TMEM132D: variants seen among roughly 807,000 people sequenced by gnomAD.
TMEM132D encodes the protein transmembrane protein 132D.
In TMEM132D, 21 loss-of-function variants were observed where a neutral mutation model predicts 62.3. The ratio of observed to expected loss-of-function variants is 0.34; its 90% CI spans 0.24 to 0.49. TMEM132D has a LOEUF of 0.49. TMEM132D is among the 20% of genes least tolerant of loss of function. TMEM132D has a pLI of 0.99. For synonymous variants in TMEM132D, 621 were observed against 575.6 expected, an observed-to-expected ratio of 1.08 and a Z score of -1.13; for missense variants, 1,346 against 1,402.8, an observed-to-expected ratio of 0.96 and a Z score of 0.65.
intron 2 of TMEM132D, among the ~76,000 whole-genome samples, chr12:129,631,412 T>C (rs1565929563): frequency 6.6e-6 from 1 of 152,186 alleles, no homozygotes; most frequent in Non-Finnish European, 1.5e-5. Context: ...GAAAGGATCC[T>C]GGGTTACTCA....
intron 3 of TMEM132D, among the ~76,000 whole-genome samples, chr12:129,479,249 G>A (rs1039833868): frequency 1.2e-4 from 18 of 152,138 alleles, no homozygotes; most frequent in Non-Finnish European, 2.1e-4. Context: ...TTTCATTAAG[G>A]GGAGTAGAAT....
intron 2 of TMEM132D, among the ~76,000 whole-genome samples, chr12:129,616,176 C>T (rs1471075177): frequency 6.6e-6 from 1 of 152,182 alleles, no homozygotes; most frequent in Non-Finnish European, 1.5e-5. Context: ...GCCATAATGC[C>T]AGAAAACCTG....
intron 3 of TMEM132D, among the ~76,000 whole-genome samples, chr12:129,356,733 T>C (rs113624586): frequency 0.14 from 21,644 of 149,952 alleles, 2,064 homozygotes; most frequent in African/African-American, 0.26. Flanking sequence ...GGCATGGTGG[T>C]GTGTGCCTGT....
At chr12:129,883,142 A>G (rs1215920251) in intron 1 of TMEM132D, among the ~76,000 whole-genome samples, 1 of 152,228 alleles carries the variant, frequency 6.6e-6, no homozygotes, top group African/African-American at 2.4e-5. Flanking sequence ...CATGCAAAAC[A>G]TTAACAGATG....
intron 3 of TMEM132D, among the ~76,000 whole-genome samples, chr12:129,526,425 C>T (rs1293380768): frequency 2.0e-5 from 3 of 152,114 alleles, no homozygotes; most frequent in South Asian, 4.1e-4. Context: ...GCTGGGATTA[C>T]AGGCATGCAC....
intron 5 of TMEM132D, among the ~76,000 whole-genome samples, chr12:129,108,848 T>C (rs936917365): frequency 6.6e-6 from 1 of 152,206 alleles, no homozygotes; most frequent in Non-Finnish European, 1.5e-5. Flanking sequence ...ATATACCCAA[T>C]GCCTCGCTTC....
Position 129,513,850 on chromosome 12 carries a change from T to TAA in TMEM132D, c.1115+17208_1115+17209insTT, listed in dbSNP as rs1205137384. Among the ~76,000 whole-genome samples the TAA allele has an allele frequency of 3.6e-3, 457 of 127,688 alleles. 2 individuals carry two copies. The highest frequency in any genetic ancestry group is 0.012 in the South Asian group (47 of 3,906). The allele number at this position is 127,688 out of a possible 152,430, so 83.8% of individuals were successfully genotyped here. A position where few individuals can be genotyped will look rare whatever the true frequency, so the allele number is the denominator to read the frequency against. On this transcript the variant is annotated intron_variant, in intron 3 of 8. Transcript: ENST00000422113. ...TTTATTTATTTATTTATTTATTTAT[T>TAA]TTTTTGAGACGGAGTCTCGCTCTGT...
At chr12:129,423,144 A>T (rs888780309) in intron 3 of TMEM132D, among the ~76,000 whole-genome samples, 6 of 152,092 alleles carry the variant, frequency 3.9e-5, no homozygotes, top group African/African-American at 1.2e-4. Flanking sequence ...TCTAAATTAA[A>T]AAAATAAATC....
intron 2 of TMEM132D, among the ~76,000 whole-genome samples, chr12:129,651,569 T>C (rs1879928959): frequency 6.6e-6 from 1 of 152,174 alleles, no homozygotes; most frequent in Non-Finnish European, 1.5e-5. Context: ...AAAGAGCACC[T>C]AGTGGAAAGT....
At chr12:129,618,884 T>C (rs155719) in intron 2 of TMEM132D, among the ~76,000 whole-genome samples, 1,982 of 152,254 alleles carry the variant, frequency 0.013, 52 homozygotes, top group African/African-American at 0.045. Context: ...CATGTAAGAT[T>C]TACATTGGTT....
At chr12:129,485,025 G>A (rs1188333868) in intron 3 of TMEM132D, among the ~76,000 whole-genome samples, 3 of 152,152 alleles carry the variant, frequency 2.0e-5, no homozygotes, top group African/African-American at 7.2e-5. Context: ...CAACATTCCA[G>A]GTGCCCAGGC....
At chr12:129,842,104 T>A (rs1273941885) in intron 1 of TMEM132D, among the ~76,000 whole-genome samples, 1 of 144,270 alleles carries the variant, frequency 6.9e-6, no homozygotes, top group Non-Finnish European at 1.5e-5. Context: ...CTAATTTTTT[T>A]TTTTTTTTTT....
chr12:129,769,653 A>T (rs971694860), intron 1 of TMEM132D, among the ~76,000 whole-genome samples: 4 of 152,140 alleles, frequency 2.6e-5, no homozygotes, highest in African/African-American at 9.7e-5. Context: ...AGGAAAAGAG[A>T]GTCTTGGGGA....
chr12:129,187,973 G>A (rs146125179), intron 5 of TMEM132D, among the ~76,000 whole-genome samples: 16 of 152,262 alleles, frequency 1.1e-4, no homozygotes, highest in African/African-American at 2.9e-4. Flanking sequence ...AAGAATATTC[G>A]TGAAATCATA....
intron 4 of TMEM132D, among the ~76,000 whole-genome samples, chr12:129,336,522 A>C (rs1009583834): frequency 1.3e-5 from 2 of 151,994 alleles, no homozygotes; most frequent in African/African-American, 4.8e-5. Context: ...CAGTGAGCCA[A>C]GATCGCACCA....
At chr12:129,557,774 T>A (rs1379638970) in intron 2 of TMEM132D, among the ~76,000 whole-genome samples, 3 of 152,204 alleles carry the variant, frequency 2.0e-5, no homozygotes, top group Non-Finnish European at 2.9e-5. Flanking sequence ...AGCATGGGGC[T>A]GATGGATGGG....
At chr12:129,615,169 T>C (rs1424972040) in intron 2 of TMEM132D, among the ~76,000 whole-genome samples, 2 of 152,104 alleles carry the variant, frequency 1.3e-5, no homozygotes, top group African/African-American at 2.4e-5. Flanking sequence ...TGTCTGGAAA[T>C]GATACACTGA....
At chr12:129,398,348 G>A (rs965677954) in intron 3 of TMEM132D, among the ~76,000 whole-genome samples, 17 of 152,140 alleles carry the variant, frequency 1.1e-4, no homozygotes, top group East Asian at 1.9e-4. Context: ...CTGCCTAAGC[G>A]CCAGACATCA....
intron 2 of TMEM132D, among the ~76,000 whole-genome samples, chr12:129,545,527 T>C (rs115717099): frequency 1.5e-3 from 230 of 152,326 alleles, no homozygotes; most frequent in African/African-American, 5.3e-3. Flanking sequence ...AGAGTATTGC[T>C]GACTATAGGC....
Sources: allele counts gnomAD v4.1 joint callset (sites outside exome capture counted in the v4.1 genomes callset), GRCh38; gene constraint gnomAD v4.1.1; transcripts MANE v1.5; gene names NCBI Gene and HGNC (gene_info 2026-07-23, HGNC 2026-07-21).